Variants in RIPOR2 observed in about 807,000 individuals in gnomAD.
RIPOR2 encodes the protein RHO family interacting cell polarization regulator 2.
In RIPOR2, 39 loss-of-function variants were observed where a neutral mutation model predicts 114.5. The observed-to-expected ratio is 0.34, with a 90% CI of 0.26 to 0.44. The LOEUF (loss-of-function observed/expected upper bound fraction) is 0.44, where lower values mean the gene tolerates loss of function less well. RIPOR2 is among the 20% of genes least tolerant of loss of function. RIPOR2 has a pLI of 1.00. For missense variants in RIPOR2, 1,007 were observed against 1,255.1 expected, an observed-to-expected ratio of 0.80 and a Z score of 2.99; for synonymous variants, 445 against 484.4, an observed-to-expected ratio of 0.92 and a Z score of 1.07.
intron 1 of RIPOR2, among the ~76,000 whole-genome samples, chr6:24,934,944 T>C (rs988062621): frequency 7.9e-5 from 12 of 151,966 alleles, no homozygotes; most frequent in Middle Eastern, 6.8e-3. Flanking sequence ...GTATCCCGAC[T>C]TGGGAAAAAA....
intron 1 of RIPOR2, among the ~76,000 whole-genome samples, chr6:24,896,167 A>T (rs1432866786): frequency 6.6e-6 from 1 of 152,196 alleles, no homozygotes; most frequent in Non-Finnish European, 1.5e-5. Flanking sequence ...TGCTGAGACC[A>T]AAGAATCCAG....
intron 1 of RIPOR2, among the ~76,000 whole-genome samples, chr6:24,981,680 A>G (rs997456026): frequency 2.6e-5 from 4 of 152,178 alleles, no homozygotes; most frequent in African/African-American, 4.8e-5. Context: ...CTCTGGAGCT[A>G]TATCATCCAG....
chr6:24,911,155 C>A (rs1457636866), intron 1 of RIPOR2: 1 of 123,236 alleles, frequency 8.1e-6, no homozygotes, highest in African/African-American at 3.1e-5. Flanking sequence ...GCGCGGGGGC[C>A]GGCGGCGTCA....
chr6:25,014,099 G>GT (rs1775877489), intron 1 of RIPOR2, among the ~76,000 whole-genome samples: 1 of 152,192 alleles, frequency 6.6e-6, no homozygotes, highest in Non-Finnish European at 1.5e-5. Context: ...TGGGGCTTAG[G>GT]TTTTCCAGAA....
At chr6:24,987,639 C>T (rs781302581) in intron 1 of RIPOR2, among the ~76,000 whole-genome samples, 9 of 152,204 alleles carry the variant, frequency 5.9e-5, no homozygotes, top group Middle Eastern at 3.2e-3. Context: ...GTCCACACTA[C>T]GTAAAACCGG....
At chr6:24,926,247 G>A (rs1770852774) in intron 1 of RIPOR2, among the ~76,000 whole-genome samples, 1 of 152,178 alleles carries the variant, frequency 6.6e-6, no homozygotes, top group Non-Finnish European at 1.5e-5. Context: ...TGCCTCTGAT[G>A]TGTTTACCAC....
chr6:24,854,372 C>CAGGA (rs1293472354), intron 8 of RIPOR2, among the ~76,000 whole-genome samples: 1 of 152,098 alleles, frequency 6.6e-6, no homozygotes, highest in Admixed American at 6.5e-5. Context: ...CAGATACTTC[C>CAGGA]AGGCTGAGTG....
In RIPOR2 at chr6:24,848,068, T is replaced by G. The variant is rs1762497059; in HGVS notation, c.1121A>C (p.Gln374Pro). ...GAAGGTGGGCGTTTCCGGGGTACCC[T>G]GGCTGTACATGGACATTCTCCTCTG... ...ALQRRMSMYS[Q>P]GTPETPTFKD... The change falls in exon 12 of 22, where the codon CAG (glutamine) becomes CCG (proline). Residue 374 changes from glutamine (Q) to proline (P), a missense_variant. Gln to Pro is a moderately conservative substitution (Grantham distance 76). Transcript: ENST00000643898. The G allele has an allele frequency of 6.2e-7, 1 of 1,613,966 alleles. No homozygotes were observed. The highest frequency in any genetic ancestry group is 8.5e-7 in the Non-Finnish European group (1 of 1,179,858).
chr6:25,007,394 C>T (rs1775602286), intron 1 of RIPOR2, among the ~76,000 whole-genome samples: 1 of 152,174 alleles, frequency 6.6e-6, no homozygotes, highest in Non-Finnish European at 1.5e-5. Flanking sequence ...ATCACTGACA[C>T]TGCCTGCTCC....
intron 12 of RIPOR2, among the ~76,000 whole-genome samples, chr6:24,847,240 A>AC (rs1762403493): frequency 6.6e-6 from 1 of 152,226 alleles, no homozygotes; most frequent in African/African-American, 2.4e-5. Flanking sequence ...GGCGTGAGCC[A>AC]CCATGCTGGG....
At chr6:24,900,134 T>C (rs751746282) in intron 1 of RIPOR2, among the ~76,000 whole-genome samples, 2 of 152,204 alleles carry the variant, frequency 1.3e-5, no homozygotes, top group Non-Finnish European at 2.9e-5. Context: ...CTAAGTTATG[T>C]GGGAGAACTC....
intron 1 of RIPOR2, among the ~76,000 whole-genome samples, chr6:24,958,192 TA>T (rs1773132313): frequency 1.3e-5 from 2 of 152,220 alleles, no homozygotes; most frequent in African/African-American, 4.8e-5. Context: ...CACTAAATAA[TA>T]ACTATGGTTA....
intron 8 of RIPOR2, among the ~76,000 whole-genome samples, chr6:24,854,195 A>G (rs1033257729): frequency 2.0e-5 from 3 of 151,998 alleles, no homozygotes; most frequent in African/African-American, 4.8e-5. Flanking sequence ...AGCAGTGGAG[A>G]GACAGAAGGA....
chr6:24,825,335 T>A lies in RIPOR2; in HGVS notation c.2759A>T (p.Glu920Val). The change falls in exon 19 of 22, where the codon GAA (glutamate) becomes GTA (valine). Residue 920 changes from glutamate to valine, a missense_variant. By Grantham distance (121) the Glu-to-Val change is moderately radical (BLOSUM62 -2). Transcript: ENST00000643898. Reference protein sequence around the residue: ...LAPSNLLAQQEVLRTLALLLT... With the variant: ...LAPSNLLAQQVVLRTLALLLT... Reference sequence around the variant, plus strand: ...TAGCAGAGCCAGAGTCCTGAGTACTTCCTGCTGGGCCAGGAGGTTGCTGGG... The same window carrying A: ...TAGCAGAGCCAGAGTCCTGAGTACTACCTGCTGGGCCAGGAGGTTGCTGGG... The A allele has an allele frequency of 6.4e-7, 1 of 1,551,946 alleles. No homozygotes were observed. Among genetic ancestry groups the A allele is most frequent in the South Asian group, 1.2e-5 (1 of 84,058 alleles).
At chr6:24,896,834 C>T (rs1183780235) in intron 1 of RIPOR2, among the ~76,000 whole-genome samples, 26 of 152,152 alleles carry the variant, frequency 1.7e-4, no homozygotes, top group African/African-American at 6.0e-4. Flanking sequence ...ACCCGGGAGG[C>T]AGAGGTTGCA....
rs1250907616 is a variant in RIPOR2, at chr6:24,805,675, A to AG, written c.*697dup. On this transcript the variant is annotated 3_prime_UTR_variant, in exon 22 of 22. Transcript: ENST00000643898. Reference sequence around the variant, plus strand: ...CTACTCAACCCTGAGAACACGACCGAGAAAAACTGCAAGGCATATGATGTT... The same window carrying AG: ...CTACTCAACCCTGAGAACACGACCGAGGAAAAACTGCAAGGCATATGATGTT... 1.3e-5 allele frequency: 2 copies of AG among 152,236 alleles called. No homozygotes were observed. The highest frequency in any genetic ancestry group is 4.8e-5 in the African/African-American group (2 of 41,450). The allele number at this position is 152,236 out of a possible 1,614,324, so 9.4% of individuals were successfully genotyped here.
At position 24,804,568 on chromosome 6, in the gene RIPOR2, T is replaced by G. The variant is rs1780668510; in HGVS notation, c.*1805A>C. On this transcript the variant is annotated 3_prime_UTR_variant, in exon 22 of 22. Coordinates refer to ENST00000643898, the MANE Select transcript of RIPOR2 (RefSeq NM_001286445.3). Reference sequence around the variant, plus strand: ...TACCTCCTAACTACAGACTGTACAATGTACCTTTAAAGTGAAGGATGTATG... The same window carrying G: ...TACCTCCTAACTACAGACTGTACAAGGTACCTTTAAAGTGAAGGATGTATG... 6.6e-6 allele frequency: 1 copy of G among 152,156 alleles called. No homozygotes were observed. The highest frequency in any genetic ancestry group is 2.1e-4 in the South Asian group (1 of 4,834). 9.4% of individuals were successfully genotyped at this position (152,156 alleles called of 1,614,324 possible).
intron 3 of RIPOR2, 99 bp downstream of exon 3, chr6:24,873,545 C>CT: frequency 9.1e-7 from 1 of 1,095,854 alleles, no homozygotes; most frequent in Non-Finnish European, 1.3e-6. Context: ...AAAATACCTC[C>CT]TACAGAAATA....
At chr6:24,920,644 A>G (rs963209090) in intron 1 of RIPOR2, among the ~76,000 whole-genome samples, 1 of 152,124 alleles carries the variant, frequency 6.6e-6, no homozygotes, top group Non-Finnish European at 1.5e-5. Context: ...TTCAACAACT[A>G]TTTCCTGAAT....
Sources: gnomAD v4.1 joint callset for allele counts (sites outside exome capture counted in the v4.1 genomes callset) on GRCh38, gnomAD v4.1.1 for gene constraint, MANE v1.5 for transcripts, NCBI Gene and HGNC (gene_info 2026-07-23, HGNC 2026-07-21) for gene names.